KCNMA1: variants seen among roughly 807,000 people sequenced by gnomAD.
The protein encoded by KCNMA1 is Calcium-activated potassium channel subunit alpha-1.
Under a neutral mutation model 140.0 loss-of-function variants are expected in KCNMA1, and 29 were observed. The observed-to-expected ratio is 0.21, with a 90% CI of 0.15 to 0.28. The LOEUF (loss-of-function observed/expected upper bound fraction) is 0.28, where lower values mean the gene tolerates loss of function less well. Ranked by LOEUF, KCNMA1 falls within the 10% of genes least tolerant of loss-of-function variation. The pLI, the probability that KCNMA1 is intolerant of heterozygous loss-of-function variation, is 1.00. For synonymous variants in KCNMA1, 612 were observed against 611.9 expected, an observed-to-expected ratio of 1.00 and a Z score of 0.00; for missense variants, 880 against 1,602.2, an observed-to-expected ratio of 0.55 and a Z score of 7.70.
intron 10 of KCNMA1, 79 bp downstream of exon 10, chr10:77,090,321 C>T: frequency 2.0e-6 from 2 of 989,184 alleles, no homozygotes; most frequent in South Asian, 1.3e-5. Context: ...CCAAGACCTC[C>T]ACTCTTACAG....
intron 1 of KCNMA1, among the ~76,000 whole-genome samples, chr10:77,603,586 C>G (rs1156975614): frequency 6.6e-6 from 1 of 152,122 alleles, no homozygotes; most frequent in Non-Finnish European, 1.5e-5. Flanking sequence ...GGCATCCTGG[C>G]AGGCATCTGG....
In KCNMA1 at chr10:77,637,554, T is replaced by C. The variant is rs200474297; in HGVS notation, c.89A>G (p.His30Arg). 1,053 of 1,543,398 alleles carry C rather than the reference T, an allele frequency of 6.8e-4. No individual in the cohort carries two copies. Among genetic ancestry groups the C allele is most frequent in the Non-Finnish European group, 8.5e-4 (972 of 1,143,590 alleles). ...GSSLRMSSNI[H>R]ANHLSLDASS... is the part of the protein sequence containing the mutation. The stretch of plus-strand genomic sequence containing the variant: ...CGCGTCTAGGCTGAGATGGTTCGCG[T>C]GGATATTGCTACTCATTCTAAGACT... The change falls in exon 1 of 28, where the codon CAC becomes CGC. Residue 30 changes from histidine (H) to arginine (R), a missense_variant. Physicochemically the swap from His to Arg is conservative, Grantham distance 29 (BLOSUM62 0). Around this residue, in one of 13 missense-constraint regions of KCNMA1, gnomAD observed 94 missense variants for 92.4 expected, o/e 1.02. Coordinates refer to ENST00000286628, the MANE Select transcript of KCNMA1 (RefSeq NM_001161352.2).
intron 9 of KCNMA1, among the ~76,000 whole-genome samples, chr10:77,099,489 C>T (rs780955361): frequency 5.9e-5 from 9 of 152,078 alleles, no homozygotes; most frequent in Admixed American, 2.6e-4. Flanking sequence ...AGAAGGCTGG[C>T]GGATCACCTG....
intron 26 of KCNMA1, chr10:76,891,321 G>T (rs893698801): frequency 1.3e-5 from 8 of 604,946 alleles, no homozygotes; most frequent in Non-Finnish European, 2.4e-5. Flanking sequence ...TCAAAGGGTT[G>T]CTATGAAGAT....
chr10:77,363,491 T>G (rs1361595176), intron 2 of KCNMA1, among the ~76,000 whole-genome samples: 1 of 152,236 alleles, frequency 6.6e-6, no homozygotes, highest in Non-Finnish European at 1.5e-5. Context: ...TTTGCACCCT[T>G]AGTAACCTTT....
At chr10:76,953,093 TGAA>T (rs751080688) in intron 21 of KCNMA1, among the ~76,000 whole-genome samples, 7 of 152,188 alleles carry the variant, frequency 4.6e-5, no homozygotes, top group Non-Finnish European at 7.3e-5. Context: ...ACTGCTGCTA[TGAA>T]GATGTTCACA....
At chr10:77,007,131 T>G (rs2089066595) in intron 18 of KCNMA1, among the ~76,000 whole-genome samples, 1 of 152,232 alleles carries the variant, frequency 6.6e-6, no homozygotes. Flanking sequence ...CAAAGCTCAA[T>G]GCTGGCCTTA....
chr10:76,891,402 C>G (rs1589666461), intron 26 of KCNMA1, 123 bp downstream of exon 26: 1 of 745,758 alleles, frequency 1.3e-6, no homozygotes, highest in East Asian at 2.7e-5. Context: ...TCACCTCTTA[C>G]AGTTATCTAC....
chr10:77,448,820 T>TG (rs1335843701), intron 1 of KCNMA1, among the ~76,000 whole-genome samples: 1 of 152,114 alleles, frequency 6.6e-6, no homozygotes, highest in Non-Finnish European at 1.5e-5. Flanking sequence ...CCGGGTGCAG[T>TG]GCTCATGCCT....
intron 2 of KCNMA1, among the ~76,000 whole-genome samples, chr10:77,325,614 A>C (rs1411212413): frequency 6.6e-6 from 1 of 152,166 alleles, no homozygotes; most frequent in Admixed American, 6.5e-5. Flanking sequence ...ATGGATGCCC[A>C]CTGGGCCCAT....
chr10:77,619,154 A>G (rs1476355638), intron 1 of KCNMA1, among the ~76,000 whole-genome samples: 1 of 152,212 alleles, frequency 6.6e-6, no homozygotes, highest in Non-Finnish European at 1.5e-5. Context: ...GCTTAAAACA[A>G]TCATTTCATT....
At chr10:76,974,392 C>T (rs2076900391) in intron 19 of KCNMA1, 3 of 723,246 alleles carry the variant, frequency 4.1e-6, no homozygotes, top group Non-Finnish European at 4.7e-6. Context: ...AGTAGTGCAT[C>T]GCTCTTCTTC....
intron 2 of KCNMA1, among the ~76,000 whole-genome samples, chr10:77,295,921 C>T (rs1279704706): frequency 7.3e-6 from 1 of 137,000 alleles, no homozygotes; most frequent in African/African-American, 2.7e-5. Context: ...TTTATTTTTA[C>T]AAGTACATAC....
intron 2 of KCNMA1, among the ~76,000 whole-genome samples, chr10:77,293,457 T>C (rs895867074): frequency 6.6e-6 from 1 of 152,124 alleles, no homozygotes; most frequent in Non-Finnish European, 1.5e-5. Flanking sequence ...ACAGAAGAGG[T>C]AACCATTCAT....
At chr10:77,382,543 A>G (rs1237561750) in intron 2 of KCNMA1, among the ~76,000 whole-genome samples, 1 of 152,064 alleles carries the variant, frequency 6.6e-6, no homozygotes, top group African/African-American at 2.4e-5. Context: ...TTTTATTTAC[A>G]ACTCTATGCA....
chr10:77,083,787 A>G (rs907584709), intron 12 of KCNMA1, among the ~76,000 whole-genome samples: 3 of 127,042 alleles, frequency 2.4e-5, no homozygotes, highest in African/African-American at 9.0e-5. Flanking sequence ...GTGAGCTATG[A>G]TTGAGTCCCT....
intron 2 of KCNMA1, among the ~76,000 whole-genome samples, chr10:77,289,625 T>C (rs766631835): frequency 6.6e-6 from 1 of 152,212 alleles, no homozygotes; most frequent in Non-Finnish European, 1.5e-5. Context: ...AATGAAATAA[T>C]AGAGTACTTC....
intron 16 of KCNMA1, among the ~76,000 whole-genome samples, chr10:77,023,643 T>C (rs182333001): frequency 1.2e-4 from 18 of 152,182 alleles, no homozygotes; most frequent in African/African-American, 3.9e-4. Flanking sequence ...TTTGAACCAA[T>C]CCGTGTCCCC....
chr10:76,935,659 A>G (rs1318694849), intron 23 of KCNMA1, among the ~76,000 whole-genome samples: 1 of 152,226 alleles, frequency 6.6e-6, no homozygotes, highest in East Asian at 1.9e-4. Flanking sequence ...AACCAGGCAC[A>G]CAAATTTTGA....
Sources: allele counts gnomAD v4.1 joint callset (sites outside exome capture counted in the v4.1 genomes callset), GRCh38; gene constraint gnomAD v4.1.1; regional missense constraint gnomAD v4.1.1; transcripts MANE v1.5; gene names NCBI Gene and HGNC (gene_info 2026-07-23, HGNC 2026-07-21).